TMEM116: variants seen among roughly 807,000 people sequenced by gnomAD.
TMEM116 encodes the protein transmembrane protein 116.
Under a neutral mutation model 44.3 loss-of-function variants are expected in TMEM116, and 38 were observed. The ratio of observed to expected loss-of-function variants is 0.86; its 90% confidence interval spans 0.66 to 1.12. The LOEUF is 1.12. TMEM116 is among the 50% of genes most tolerant of loss of function. The pLI, the probability that TMEM116 is intolerant of heterozygous loss-of-function variation, is 0.00. For missense variants in TMEM116, 354 were observed against 401.7 expected (o/e 0.88, Z 1.01); for synonymous variants, 132 against 144.8 (o/e 0.91, Z 0.64).
intron 3 of TMEM116, among the ~76,000 whole-genome samples, chr12:111,996,603 G>C (rs1000949358): frequency 1.3e-5 from 2 of 152,154 alleles, no homozygotes; most frequent in African/African-American, 4.8e-5. Context: ...AAAAGAGTTT[G>C]ACATTAATTT....
chr12:111,948,267 T>C (rs973559355), intron 4 of TMEM116, among the ~76,000 whole-genome samples: 4 of 152,150 alleles, frequency 2.6e-5, no homozygotes, highest in Non-Finnish European at 5.9e-5. Flanking sequence ...AGGAAAGAAA[T>C]AGTTCAAGTC....
chr12:111,965,907 G>A (rs956198650), intron 4 of TMEM116: 3 of 167,750 alleles, frequency 1.8e-5, no homozygotes, highest in African/African-American at 4.8e-5. Flanking sequence ...CTGCACTCCA[G>A]CCTGGGTGAA....
chr12:111,988,036 A>G (rs2076323482), intron 4 of TMEM116, among the ~76,000 whole-genome samples: 1 of 152,238 alleles, frequency 6.6e-6, no homozygotes, highest in Admixed American at 6.5e-5. Flanking sequence ...CAACAAGATA[A>G]ACCTTAAAGA....
chr12:112,004,656 CT>C (rs111451127), intron 2 of TMEM116, among the ~76,000 whole-genome samples: 71 of 146,178 alleles, frequency 4.9e-4, no homozygotes, highest in Middle Eastern at 3.6e-3. Context: ...CCATGCCAAT[CT>C]TTTTTTTTTT....
chr12:111,940,426 G>A (rs1367347257), intron 5 of TMEM116, among the ~76,000 whole-genome samples: 2 of 146,952 alleles, frequency 1.4e-5, no homozygotes, highest in Non-Finnish European at 3.0e-5. Context: ...GCAGTGGTAT[G>A]ATCACAGCTC....
At chr12:111,965,705 CTT>C (rs1565911433) in intron 4 of TMEM116, 1 of 401,504 alleles carries the variant, frequency 2.5e-6, no homozygotes, top group African/African-American at 2.1e-5. Context: ...CGGTGAATCA[CTT>C]GAGGTCAGGC....
chr12:111,944,598 A>C (rs2073102643), intron 4 of TMEM116, among the ~76,000 whole-genome samples: 3 of 152,192 alleles, frequency 2.0e-5, no homozygotes, highest in African/African-American at 7.2e-5. Flanking sequence ...GGCAGCTAAA[A>C]TTTGTGAAGT....
At chr12:111,972,440 C>A (rs2075399233) in intron 4 of TMEM116, among the ~76,000 whole-genome samples, 1 of 152,102 alleles carries the variant, frequency 6.6e-6, no homozygotes, top group Non-Finnish European at 1.5e-5. Flanking sequence ...AGAAAATTAG[C>A]AAAGATTTAG....
intron 4 of TMEM116, among the ~76,000 whole-genome samples, chr12:111,982,875 CTTTG>C (rs949975076): frequency 2.0e-5 from 3 of 152,154 alleles, no homozygotes; most frequent in East Asian, 1.9e-4. Flanking sequence ...AAAGGTTTTT[CTTTG>C]TTTGTTTTTG....
At chr12:111,939,282 G>A (rs921171928) in intron 5 of TMEM116, among the ~76,000 whole-genome samples, 2 of 151,848 alleles carry the variant, frequency 1.3e-5, no homozygotes, top group African/African-American at 4.8e-5. Context: ...GTGAAACCCT[G>A]TCTCTACTAA....
At chr12:111,939,970 G>C (rs2072570732) in intron 5 of TMEM116, among the ~76,000 whole-genome samples, 1 of 146,724 alleles carries the variant, frequency 6.8e-6, no homozygotes, top group African/African-American at 2.5e-5. Context: ...AATAGGTAGT[G>C]GAGTTAATAT....
intron 1 of TMEM116, chr12:112,011,545 T>G (rs540311956): frequency 6.6e-6 from 1 of 152,374 alleles, no homozygotes; most frequent in East Asian, 1.9e-4. Context: ...TTGTGAATTC[T>G]ACCCTTTAAA....
intron 4 of TMEM116, among the ~76,000 whole-genome samples, chr12:111,958,972 CA>C (rs2074373274): frequency 6.6e-6 from 1 of 152,166 alleles, no homozygotes; most frequent in African/African-American, 2.4e-5. Context: ...GACAGGCCAA[CA>C]TTCAAATTCA....
At chr12:111,954,858 G>A (rs565125703) in intron 4 of TMEM116, among the ~76,000 whole-genome samples, 3 of 152,338 alleles carry the variant, frequency 2.0e-5, no homozygotes, top group South Asian at 2.1e-4. Context: ...ACAGTGTCTG[G>A]CATTGTTTTT....
intron 4 of TMEM116, among the ~76,000 whole-genome samples, chr12:111,949,115 C>T (rs1390010267): frequency 6.6e-6 from 1 of 152,012 alleles, no homozygotes; most frequent in Admixed American, 6.6e-5. Context: ...CCCTCTCCCC[C>T]AACCCCCACC....
chr12:111,993,462 G>C (rs948537338), intron 3 of TMEM116: 96 of 558,758 alleles, frequency 1.7e-4, no homozygotes, highest in African/African-American at 1.5e-3. Context: ...TGTTATCTCT[G>C]GTGCACATCA....
intron 4 of TMEM116, among the ~76,000 whole-genome samples, chr12:111,989,628 T>C (rs1375301581): frequency 1.3e-5 from 2 of 152,176 alleles, no homozygotes; most frequent in Non-Finnish European, 2.9e-5. Flanking sequence ...TTCATGACAT[T>C]TAAGTTGCAA....
intron 4 of TMEM116, among the ~76,000 whole-genome samples, chr12:111,980,006 G>A (rs771898904): frequency 7.9e-5 from 12 of 152,146 alleles, no homozygotes; most frequent in Non-Finnish European, 1.8e-4. Flanking sequence ...AGCCACTTTG[G>A]AAGACAGTCT....
chr12:111,982,082 G>A (rs1272006154), intron 4 of TMEM116, among the ~76,000 whole-genome samples: 1 of 152,110 alleles, frequency 6.6e-6, no homozygotes, highest in Non-Finnish European at 1.5e-5. Context: ...TAAAATTTCA[G>A]TTAGATAGGA....
Sources: gnomAD v4.1 joint callset for allele counts (sites outside exome capture counted in the v4.1 genomes callset) on GRCh38, gnomAD v4.1.1 for gene constraint, MANE v1.5 for transcripts, NCBI Gene and HGNC (gene_info 2026-07-23, HGNC 2026-07-21) for gene names.